SPATA13: variants seen among roughly 807,000 people sequenced by gnomAD.
SPATA13 encodes spermatogenesis-associated protein 13.
SPATA13 carries 50 observed loss-of-function variants against 104.0 expected under a neutral mutation model. That is an observed-to-expected ratio of 0.48 (90% confidence interval 0.38 to 0.61). The LOEUF (loss-of-function observed/expected upper bound fraction) is 0.61, where lower values mean the gene tolerates loss of function less well. Ranked by LOEUF, SPATA13 falls within the 20% of genes least tolerant of loss-of-function variation. The pLI, the probability that SPATA13 is intolerant of heterozygous loss-of-function variation, is 0.00. For missense variants in SPATA13, 1,524 were observed against 1,690.6 expected (o/e 0.90, Z 1.73); for synonymous variants, 606 against 667.5 (o/e 0.91, Z 1.42).
intron 3 of SPATA13, among the ~76,000 whole-genome samples, chr13:24,117,174 A>G (rs1459707717): frequency 6.6e-6 from 1 of 152,242 alleles, no homozygotes; most frequent in Admixed American, 6.5e-5. Flanking sequence ...TTGCTGCTCT[A>G]TAACAACTGT....
chr13:24,224,620 T>A, intron 2 of SPATA13, 38 bp downstream of exon 2: 2 of 1,534,670 alleles, frequency 1.3e-6, no homozygotes, highest in Non-Finnish European at 1.7e-6. Context: ...TGGGCGACCC[T>A]CCTGCGGGAA....
At chr13:24,113,598 G>A (rs764942496) in intron 3 of SPATA13, among the ~76,000 whole-genome samples, 37 of 152,000 alleles carry the variant, frequency 2.4e-4, no homozygotes, top group Non-Finnish European at 2.8e-4. Flanking sequence ...AAGGCTGGGC[G>A]AGGTGGCTTA....
chr13:24,275,022 C>G (rs538369514), intron 4 of SPATA13, among the ~76,000 whole-genome samples: 1 of 152,336 alleles, frequency 6.6e-6, no homozygotes, highest in African/African-American at 2.4e-5. Flanking sequence ...CAGGACTACC[C>G]TCCCCCACTT....
intron 2 of SPATA13, among the ~76,000 whole-genome samples, chr13:24,012,056 C>T (rs1876492416): frequency 6.6e-6 from 1 of 152,216 alleles, no homozygotes; most frequent in African/African-American, 2.4e-5. Context: ...TTTCTTGCAG[C>T]CATTGTGTCT....
At chr13:24,035,180 G>A (rs1163714713) in intron 3 of SPATA13, among the ~76,000 whole-genome samples, 1 of 152,182 alleles carries the variant, frequency 6.6e-6, no homozygotes, top group African/African-American at 2.4e-5. Context: ...TTTTGAGACA[G>A]TCTCACTCTT....
In SPATA13 at chr13:24,051,742, G is replaced by A. The variant is rs1878349078; in HGVS notation, c.-112+34041G>A. 6.6e-6 allele frequency among the ~76,000 whole-genome samples: 1 copy of A among 150,638 alleles called. No homozygotes were observed. Among genetic ancestry groups the A allele is most frequent in the Admixed American group, 6.6e-5 (1 of 15,194 alleles). Reference sequence around the variant, plus strand: ...AGGTGGGAGCTTTAGGGGGGAAGTGGTAGCGATTGGAGTCAGAGGCAGCAG... The same window carrying A: ...AGGTGGGAGCTTTAGGGGGGAAGTGATAGCGATTGGAGTCAGAGGCAGCAG... On this transcript the variant is annotated intron_variant, in intron 3 of 14. Coordinates refer to the SPATA13 transcript ENST00000424834. The surrounding 1 kb of genome is among the most constrained non-coding windows in gnomAD (Gnocchi z 4.2).
At chr13:24,114,720 T>C (rs771983791) in intron 3 of SPATA13, among the ~76,000 whole-genome samples, 19 of 152,274 alleles carry the variant, frequency 1.2e-4, no homozygotes, top group Middle Eastern at 3.4e-3. Context: ...TGGAGTGCAA[T>C]GGCACGATCT....
At chr13:24,008,794 C>G (rs1367680540) in intron 2 of SPATA13, among the ~76,000 whole-genome samples, 3 of 152,172 alleles carry the variant, frequency 2.0e-5, no homozygotes, top group African/African-American at 7.2e-5. Context: ...CCCCCATCCC[C>G]TGATGGCTCT....
chr13:24,143,920 G>T (rs1040022221), intron 3 of SPATA13, among the ~76,000 whole-genome samples: 6 of 152,056 alleles, frequency 3.9e-5, no homozygotes, highest in African/African-American at 1.5e-4. Context: ...ATGGGAAAAA[G>T]AACACCTATC....
intron 2 of SPATA13, among the ~76,000 whole-genome samples, chr13:24,245,054 T>C (rs1873042682): frequency 6.6e-6 from 1 of 152,128 alleles, no homozygotes; most frequent in Non-Finnish European, 1.5e-5. Flanking sequence ...ATGATGGTGT[T>C]TTAAAGTCAA....
At chr13:23,991,239 CTG>C in intron 2 of SPATA13, among the ~76,000 whole-genome samples, 1 of 152,190 alleles carries the variant, frequency 6.6e-6, no homozygotes, top group Admixed American at 6.5e-5. Context: ...AGAACCTGTG[CTG>C]TCTTTTCTTT....
At chr13:24,302,166 C>T (rs1191038529) in intron 12 of SPATA13, among the ~76,000 whole-genome samples, 9 of 152,104 alleles carry the variant, frequency 5.9e-5, no homozygotes, top group Admixed American at 3.9e-4. Flanking sequence ...GTCATAATAC[C>T]CTCCTTGGAG....
intron 4 of SPATA13, chr13:24,270,956 G>A (rs745890290): frequency 4.9e-6 from 7 of 1,429,812 alleles, no homozygotes; most frequent in African/African-American, 2.8e-5. Context: ...ACATGTTGCC[G>A]ATTCAGCTCT....
At chr13:24,159,133 T>TCG (rs1882357854), upstream of SPATA13, among the ~76,000 whole-genome samples, 1 of 151,700 alleles carries the variant, frequency 6.6e-6, no homozygotes, top group Non-Finnish European at 1.5e-5. Flanking sequence ...ACCGTGATAT[T>TCG]TTTTTTTAAA....
rs377168301 is a variant in SPATA13, at chr13:24,212,210, C to A, written c.-111-10609C>A. ...GGAGGATTGCTTGAGGCCAGGAGTT[C>A]AGGGCTGTGGGGAGCTGTGATTGGG... On this transcript the variant is annotated intron_variant, in intron 1 of 12. Transcript: ENST00000382108. Among the ~76,000 whole-genome samples the A allele has an allele frequency of 4.0e-5, 6 of 151,106 alleles. No individual in the cohort carries two copies. The East Asian group carries it at 1.2e-3, about 30-fold the overall frequency.
chr13:24,096,878 T>C (rs1311180006), intron 3 of SPATA13, among the ~76,000 whole-genome samples: 3 of 152,282 alleles, frequency 2.0e-5, no homozygotes, highest in East Asian at 1.9e-4. Context: ...CAGAGGACTG[T>C]GACCTCTTGC....
chr13:24,124,395 G>A (rs1202798806), intron 3 of SPATA13, among the ~76,000 whole-genome samples: 2 of 152,142 alleles, frequency 1.3e-5, no homozygotes, highest in African/African-American at 2.4e-5. Context: ...GGACACAGTC[G>A]AGGTGTAGAG....
At chr13:24,004,430 T>G (rs1241151303) in intron 2 of SPATA13, among the ~76,000 whole-genome samples, 2 of 152,186 alleles carry the variant, frequency 1.3e-5, no homozygotes, top group Admixed American at 6.5e-5. Flanking sequence ...TATATTTGTT[T>G]ATTTCCCGGC....
At chr13:24,031,502 C>T (rs114200057) in intron 3 of SPATA13, among the ~76,000 whole-genome samples, 1 of 152,190 alleles carries the variant, frequency 6.6e-6, no homozygotes, top group Admixed American at 6.5e-5. Context: ...TAGACATATG[C>T]TTGGCAGGAA....
Sources: allele counts gnomAD v4.1 joint callset (sites outside exome capture counted in the v4.1 genomes callset), GRCh38; gene constraint gnomAD v4.1.1; non-coding constraint Gnocchi (gnomAD v3.1); transcripts MANE v1.5; gene names NCBI Gene and HGNC (gene_info 2026-07-23, HGNC 2026-07-21).